The following ULK4 variants were observed in gnomAD, a reference collection of about 807,000 sequenced individuals.
The protein encoded by ULK4 is inactive serine/threonine-protein kinase ULK4.
ULK4 carries 133 observed loss-of-function variants against 160.6 expected under a neutral mutation model. That is an observed-to-expected ratio of 0.83 (90% CI 0.72 to 0.96). The LOEUF is 0.96. Among genes scored for constraint, ULK4 ranks in the 40% least tolerant of loss-of-function variants. The pLI is 0.00. For synonymous variants in ULK4, 534 were observed against 539.8 expected (o/e 0.99, Z 0.15); for missense variants, 1,580 against 1,499.5 (o/e 1.05, Z -0.89).
At chr3:41,272,311 G>GA (rs1162399628) in intron 35 of ULK4, among the ~76,000 whole-genome samples, 2 of 145,318 alleles carry the variant, frequency 1.4e-5, no homozygotes, top group South Asian at 2.2e-4. Context: ...CTGTATACCT[G>GA]AAAATGTCTT....
At chr3:41,786,369 C>A (rs906988899) in intron 21 of ULK4, among the ~76,000 whole-genome samples, 2 of 151,940 alleles carry the variant, frequency 1.3e-5, no homozygotes, top group African/African-American at 4.8e-5. Context: ...TGGGAGGCTG[C>A]GACGGGGGAT....
chr3:41,684,226 T>C (rs1456563087), intron 27 of ULK4, among the ~76,000 whole-genome samples: 1 of 152,216 alleles, frequency 6.6e-6, no homozygotes. Context: ...AAATCTGGCA[T>C]GCGAGCAAAA....
At chr3:41,558,584 A>T (rs2087401252) in intron 32 of ULK4, among the ~76,000 whole-genome samples, 1 of 151,854 alleles carries the variant, frequency 6.6e-6, no homozygotes, top group African/African-American at 2.4e-5. Context: ...GGCGACTGTA[A>T]TCCCAGCTAC....
chr3:41,792,666 G>A lies in ULK4; in HGVS notation c.2011-2823C>T, dbSNP rs1378094860. On this transcript the variant is annotated intron_variant, in intron 20 of 36. Transcript: ENST00000301831. ...GAATGGATCTTCTTCAGAATGCTGT[G>A]CAAAAGCCTAACAGACTTTCCATTT... Among the ~76,000 whole-genome samples the A allele has an allele frequency of 2.6e-5, 4 of 152,282 alleles. No individual in the cohort carries two copies. In the East Asian group the frequency reaches 7.7e-4, roughly 29 times the overall value.
intron 35 of ULK4, among the ~76,000 whole-genome samples, chr3:41,291,944 C>T (rs890519893): frequency 6.6e-6 from 1 of 151,930 alleles, no homozygotes. Context: ...CATTATCCTG[C>T]CTCAGCCTTC....
chr3:41,566,242 A>G, intron 31 of ULK4, 112 bp from the exon 32 acceptor site: 1 of 878,042 alleles, frequency 1.1e-6, no homozygotes, highest in Non-Finnish European at 1.8e-6. Context: ...AGGTTAAATG[A>G]TTACCTTTTT....
rs545244311 is a variant in ULK4 at position 41,644,221 on chromosome 3, A to C, written c.3071+19386T>G. The stretch of plus-strand genomic sequence containing the variant: ...CCTAATTGTCCTGGCCAGAACTTCC[A>C]ACACTATGTTGAATAGGAGTGGTGA... On this transcript the variant is annotated intron_variant, in intron 30 of 36. Transcript: ENST00000301831. Among the ~76,000 whole-genome samples, 168 of 152,164 alleles carry C rather than the reference A, an allele frequency of 1.1e-3. 1 individual carries two copies. The highest frequency in any genetic ancestry group is 3.9e-3 in the African/African-American group (161 of 41,514).
At chr3:41,737,308 G>A (rs552489727) in intron 22 of ULK4, among the ~76,000 whole-genome samples, 2 of 151,986 alleles carry the variant, frequency 1.3e-5, no homozygotes, top group Admixed American at 6.5e-5. Context: ...AACTTACAAG[G>A]GATGTCAAGG....
intron 30 of ULK4, among the ~76,000 whole-genome samples, chr3:41,662,590 A>G (rs2035214016): frequency 6.6e-6 from 1 of 152,196 alleles, no homozygotes; most frequent in African/African-American, 2.4e-5. Flanking sequence ...ACTGGACAGC[A>G]GACCAGAGGA....
chr3:41,339,927 G>C (rs919098776), intron 35 of ULK4, among the ~76,000 whole-genome samples: 1 of 152,106 alleles, frequency 6.6e-6, no homozygotes. Flanking sequence ...TTGTAGAGGC[G>C]CTTGTTACAA....
At chr3:41,757,629 CAAAAAAAAA>C (rs1197436719) in intron 21 of ULK4, among the ~76,000 whole-genome samples, 3 of 63,646 alleles carry the variant, frequency 4.7e-5, no homozygotes, top group East Asian at 1.0e-3. Flanking sequence ...GAGACTCTCT[CAAAAAAAAA>C]AAAAAAAAAA....
intron 35 of ULK4, among the ~76,000 whole-genome samples, chr3:41,302,110 T>C (rs899825904): frequency 6.6e-6 from 1 of 152,168 alleles, no homozygotes; most frequent in South Asian, 2.1e-4. Context: ...AAACAAAGAA[T>C]TGAACAGATG....
intron 7 of ULK4, 34 bp from the exon 8 acceptor site, chr3:41,916,086 AAGT>A (rs1477095579): frequency 4.3e-6 from 6 of 1,411,342 alleles, no homozygotes; most frequent in Non-Finnish European, 5.9e-6. Context: ...AAAAAATGAT[AAGT>A]AGTAAATACA....
At chr3:41,759,155 T>C (rs1457566590) in intron 21 of ULK4, among the ~76,000 whole-genome samples, 1 of 152,162 alleles carries the variant, frequency 6.6e-6, no homozygotes, top group East Asian at 1.9e-4. Flanking sequence ...TCACCCATGA[T>C]TCAGTATTTT....
At chr3:41,424,164 TGTGGCATATA>T (rs1352243415) in intron 34 of ULK4, among the ~76,000 whole-genome samples, 1 of 152,068 alleles carries the variant, frequency 6.6e-6, no homozygotes, top group Non-Finnish European at 1.5e-5. Flanking sequence ...GCACAGCAGC[TGTGGCATATA>T]GTGGCCAGAT....
intron 25 of ULK4, among the ~76,000 whole-genome samples, chr3:41,712,416 C>T (rs1575596389): frequency 6.6e-6 from 1 of 152,306 alleles, no homozygotes; most frequent in East Asian, 1.9e-4. Flanking sequence ...CCAAGAAGTT[C>T]TTGGCTTGCT....
intron 30 of ULK4, among the ~76,000 whole-genome samples, chr3:41,647,489 C>T (rs942953930): frequency 2.6e-5 from 4 of 152,180 alleles, no homozygotes; most frequent in African/African-American, 4.8e-5. Context: ...GTATCAGCAG[C>T]GGTGGCTGCA....
intron 30 of ULK4, among the ~76,000 whole-genome samples, chr3:41,639,014 C>A (rs2034072784): frequency 6.6e-6 from 1 of 152,158 alleles, no homozygotes; most frequent in Admixed American, 6.5e-5. Context: ...AATATTAAAA[C>A]AGAACCATGA....
intron 7 of ULK4, among the ~76,000 whole-genome samples, chr3:41,917,189 G>T (rs961198306): frequency 6.6e-6 from 1 of 152,040 alleles, no homozygotes; most frequent in African/African-American, 2.4e-5. Flanking sequence ...ACCATATCCA[G>T]GTCATCAGTC....
Sources: allele counts gnomAD v4.1 joint callset (sites outside exome capture counted in the v4.1 genomes callset), GRCh38; gene constraint gnomAD v4.1.1; transcripts MANE v1.5; gene names NCBI Gene and HGNC (gene_info 2026-07-23, HGNC 2026-07-21).